The following CHD7 variants were observed in gnomAD, a reference collection of about 807,000 sequenced individuals.
The protein encoded by CHD7 is ATP-dependent chromatin remodeler CHD7.
Under a neutral mutation model 307.3 loss-of-function variants are expected in CHD7, and 24 were observed. The ratio of observed to expected loss-of-function variants is 0.08; its 90% CI spans 0.06 to 0.11. CHD7 has a LOEUF of 0.11. Among genes scored for constraint, CHD7 ranks in the 10% least tolerant of loss-of-function variants. The probability of loss-of-function intolerance (pLI) is 1.00; values close to 1 mark genes in which losing one functional copy is unlikely to be tolerated. For missense variants in CHD7, 3,106 were observed against 3,727.1 expected (o/e 0.83, Z 4.34); for synonymous variants, 1,363 against 1,349.9 (o/e 1.01, Z -0.21).
At chr8:60,718,032 C>T (rs1366555591) in intron 1 of CHD7, among the ~76,000 whole-genome samples, 1 of 152,016 alleles carries the variant, frequency 6.6e-6, no homozygotes, top group Non-Finnish European at 1.5e-5. Flanking sequence ...GCATTGTTAT[C>T]ATAGGAGATG....
chr8:60,783,232 ACTTAGCATACC>A (rs1366619085), intron 3 of CHD7, among the ~76,000 whole-genome samples: 13 of 152,232 alleles, frequency 8.5e-5, no homozygotes, highest in African/African-American at 2.9e-4. Context: ...TTAAAAACTT[ACTTAGCATACC>A]CTTACCTCTT....
At position 60,809,966 on chromosome 8, in the gene CHD7, G is replaced by A. The variant is rs541536219; in HGVS notation, c.2498+1694G>A. On this transcript the variant is annotated intron_variant, in intron 7 of 37. Coordinates refer to ENST00000423902, the MANE Select transcript of CHD7 (RefSeq NM_017780.4). ...TACATTGATTGGTTGGGTTTTTACCGTAAGGAAGAGCTTTACCCTCTTGTC... is the reference window on the plus strand; with the variant it reads ...TACATTGATTGGTTGGGTTTTTACCATAAGGAAGAGCTTTACCCTCTTGTC... Among the ~76,000 whole-genome samples, 16 of 152,294 alleles carry A rather than the reference G, an allele frequency of 1.1e-4. No homozygotes were observed. In the South Asian group the frequency reaches 2.1e-3, roughly 20 times the overall value.
In CHD7 at chr8:60,828,657, C is replaced by T; in HGVS notation, c.3379-6C>T. On this transcript the variant is annotated splice_region_variant and splice_polypyrimidine_tract_variant and intron_variant, in intron 13 of 37. Transcript: ENST00000423902. ...TTGGTTAGTGGCTTTCCTTGTGTTA[C>T]CTCAGGAACACAAAGTGCTGCTGAC... The T allele has an allele frequency of 6.3e-7, 1 of 1,598,604 alleles. No homozygotes were observed. Among genetic ancestry groups the T allele is most frequent in the East Asian group, 2.2e-5 (1 of 44,716 alleles).
intron 2 of CHD7, among the ~76,000 whole-genome samples, chr8:60,765,221 ACACACACACG>A (rs1410091593): frequency 2.0e-5 from 3 of 151,506 alleles, no homozygotes; most frequent in African/African-American, 7.3e-5. Flanking sequence ...ACACACACAC[ACACACACACG>A]CACACGCATG....
In CHD7 at chr8:60,865,495, C is replaced by T. The variant is rs794727604; in HGVS notation, c.8556C>T (p.Asp2852=). The change falls in exon 38 of 38, where the codon GAC becomes GAT. Residue 2852 remains aspartate (D), a synonymous_variant. Transcript: ENST00000423902. This position sits in a 1 kb window ranked among gnomAD's most constrained non-coding sequence, Gnocchi z 4.3. ...KGEEKGNENE[D]ENKDSEKSTD... is the part of the protein sequence containing the mutation. ...AGGAGAAAGGAAATGAGAATGAAGA[C>T]GAGAACAAAGACTCTGAGAAAAGCA... 7.4e-6 allele frequency: 12 copies of T among 1,613,926 alleles called. No homozygotes were observed. The highest frequency in any genetic ancestry group is 6.7e-5 in the Admixed American group (4 of 60,008).
At chr8:60,835,635 T>A (rs1804707934) in intron 15 of CHD7, among the ~76,000 whole-genome samples, 2 of 152,250 alleles carry the variant, frequency 1.3e-5, no homozygotes, top group South Asian at 4.1e-4. Context: ...TTGTTAGGAC[T>A]CTATTCCTTT....
chr8:60,780,980 T>C lies in CHD7; in HGVS notation c.1666-20T>C. 2 of 1,507,910 alleles carry C rather than the reference T, an allele frequency of 1.3e-6. No individual in the cohort carries two copies. Among genetic ancestry groups the C allele is most frequent in the Middle Eastern group, 1.8e-4 (1 of 5,630 alleles). The allele number at this position is 1,507,910 out of a possible 1,614,324, so 93.4% of individuals were successfully genotyped here. Reference sequence around the variant, plus strand: ...GTGAAGAATGATAAACTAATTTCAATTCCTATTTGTGTCTCTCAGCATTCC... The same window carrying C: ...GTGAAGAATGATAAACTAATTTCAACTCCTATTTGTGTCTCTCAGCATTCC... On this transcript the variant is annotated intron_variant, in intron 2 of 37. Coordinates refer to ENST00000423902, the MANE Select transcript of CHD7 (RefSeq NM_017780.4).
intron 1 of CHD7, among the ~76,000 whole-genome samples, chr8:60,727,267 C>T (rs1052192791): frequency 1.3e-5 from 2 of 152,236 alleles, no homozygotes; most frequent in African/African-American, 4.8e-5. Context: ...GCTGGGACTA[C>T]AGGCATTTGC....
Position 60,741,542 on chromosome 8 carries a change from T to C in CHD7, c.110T>C (p.Met37Thr), listed in dbSNP as rs1809009948. The C allele has an allele frequency of 1.2e-6, 2 of 1,613,502 alleles. No homozygotes were observed. The highest frequency in any genetic ancestry group is 1.7e-6 in the Non-Finnish European group (2 of 1,179,662). The change falls in exon 2 of 38, where the codon ATG becomes ACG. Residue 37 changes from methionine to threonine, a missense_variant. Met to Thr is a moderately conservative substitution (Grantham distance 81). Around this residue, in one of 10 missense-constraint regions of CHD7, gnomAD observed 998 missense variants for 1,004.5 expected, o/e 0.99. Transcript: ENST00000423902. ...CGYPENPVNP[M>T]GQQMPIDQGF... ...TACCCGGAAAATCCAGTAAATCCTA[T>C]GGGTCAGCAAATGCCAATAGACCAA...
chr8:60,815,152 A>G (rs1171528772), intron 7 of CHD7, among the ~76,000 whole-genome samples: 1 of 152,126 alleles, frequency 6.6e-6, no homozygotes, highest in Non-Finnish European at 1.5e-5. Context: ...TTTTCCCTCA[A>G]TTATAGAAGG....
intron 3 of CHD7, among the ~76,000 whole-genome samples, chr8:60,786,663 A>G (rs1386779207): frequency 6.6e-6 from 1 of 152,182 alleles, no homozygotes; most frequent in Non-Finnish European, 1.5e-5. Flanking sequence ...CCTAAGTGGA[A>G]TTTTCAGATG....
At chr8:60,733,117 C>G (rs966929330) in intron 1 of CHD7, among the ~76,000 whole-genome samples, 42 of 151,950 alleles carry the variant, frequency 2.8e-4, no homozygotes, top group Non-Finnish European at 2.4e-4. Context: ...CAACTATAGT[C>G]CCAACTACTT....
chr8:60,686,995 G>A (rs1421012878), intron 1 of CHD7, among the ~76,000 whole-genome samples: 1 of 152,160 alleles, frequency 6.6e-6, no homozygotes, highest in East Asian at 1.9e-4. Context: ...TGTCCAGGCT[G>A]GATTCTAATT....
At chr8:60,842,607 C>T (rs1805022124) in intron 21 of CHD7, among the ~76,000 whole-genome samples, 1 of 152,084 alleles carries the variant, frequency 6.6e-6, no homozygotes, top group South Asian at 2.1e-4. Flanking sequence ...CAAAGTGGTA[C>T]TTTGAATGGC....
At position 60,866,302 on chromosome 8, in the gene CHD7, T is replaced by C. The variant is rs1165654288; in HGVS notation, c.*369T>C. ...GCTGCTCAAAGGAAGTATGAAGTTA[T>C]ATATTTAATTTTTTAATTTTAATTT... On this transcript the variant is annotated 3_prime_UTR_variant, in exon 38 of 38. Transcript: ENST00000423902. 6.4e-6 allele frequency: 1 copy of C among 156,306 alleles called. No homozygotes were observed. The highest frequency in any genetic ancestry group is 2.4e-5 in the African/African-American group (1 of 41,572). 9.7% of individuals were successfully genotyped at this position (156,306 alleles called of 1,614,324 possible).
intron 2 of CHD7, among the ~76,000 whole-genome samples, chr8:60,778,002 T>G (rs1051792896): frequency 3.3e-5 from 5 of 151,930 alleles, no homozygotes; most frequent in African/African-American, 1.2e-4. Context: ...GTTAATGGCA[T>G]TGATTACCTG....
chr8:60,796,628 T>TC (rs5891776), intron 4 of CHD7, among the ~76,000 whole-genome samples: 116,310 of 150,490 alleles, frequency 0.77, 45,182 homozygotes, highest in East Asian at 0.94. Context: ...TTTTTTTTTT[T>TC]TTTCCTGCTG....
intron 1 of CHD7, 33 bp from the exon 2 acceptor site, chr8:60,741,226 C>G (rs1808982718): frequency 3.6e-6 from 2 of 562,998 alleles, no homozygotes; most frequent in South Asian, 5.2e-5. Flanking sequence ...TTGTTTTCTT[C>G]CTTCTTCTCC....
intron 1 of CHD7, among the ~76,000 whole-genome samples, chr8:60,684,856 T>G (rs1805803903): frequency 6.6e-6 from 1 of 152,180 alleles, no homozygotes. Flanking sequence ...GTAGACAATA[T>G]CCTGCCTGCT....
Sources: gnomAD v4.1 joint callset for allele counts (sites outside exome capture counted in the v4.1 genomes callset) on GRCh38, gnomAD v4.1.1 for gene constraint, gnomAD v4.1.1 regional missense constraint, Gnocchi (gnomAD v3.1) non-coding constraint, MANE v1.5 for transcripts, NCBI Gene and HGNC (gene_info 2026-07-23, HGNC 2026-07-21) for gene names.